The following SHANK2 variants were observed in gnomAD, a reference collection of about 807,000 sequenced individuals.
SHANK2 encodes SH3 and multiple ankyrin repeat domains 2.
A neutral mutation model predicts 133.7 loss-of-function variants in SHANK2; 43 were observed. The observed-to-expected ratio is 0.32, with a 90% CI of 0.25 to 0.41. SHANK2 has a LOEUF of 0.41. SHANK2 is among the 10% of genes least tolerant of loss of function. The pLI is 1.00. For synonymous variants in SHANK2, 1,017 were observed against 952.8 expected (o/e 1.07, Z -1.24); for missense variants, 1,994 against 2,235.8 (o/e 0.89, Z 2.18).
At chr11:70,680,169 C>T (rs1156714944) in intron 15 of SHANK2, among the ~76,000 whole-genome samples, 1 of 152,216 alleles carries the variant, frequency 6.6e-6, no homozygotes, top group African/African-American at 2.4e-5. Flanking sequence ...GAGTTACACA[C>T]TCACAGCTAA....
intron 10 of SHANK2, chr11:70,908,142 A>G (rs547209802): frequency 3.7e-6 from 1 of 267,176 alleles, no homozygotes; most frequent in Non-Finnish European, 7.5e-6. Context: ...AGAAAAGTGA[A>G]CTTTGCCTGC....
intron 2 of SHANK2, among the ~76,000 whole-genome samples, chr11:71,191,329 G>A (rs1404506669): frequency 6.6e-6 from 1 of 151,942 alleles, no homozygotes; most frequent in Admixed American, 6.6e-5. Context: ...CTGGGCTACC[G>A]TACAAAGCCC....
chr11:71,079,310 A>C (rs902699016), intron 8 of SHANK2, among the ~76,000 whole-genome samples: 1 of 152,248 alleles, frequency 6.6e-6, no homozygotes, highest in African/African-American at 2.4e-5. Context: ...GGCTCCAGGC[A>C]GGTCCCAGGC....
chr11:70,600,009 T>C (rs891049175), intron 17 of SHANK2, among the ~76,000 whole-genome samples: 7 of 151,334 alleles, frequency 4.6e-5, no homozygotes, highest in Non-Finnish European at 8.8e-5. Context: ...GACAACATTG[T>C]GAAGGGGTTA....
At chr11:71,231,277 T>C (rs782697987) in intron 1 of SHANK2, among the ~76,000 whole-genome samples, 2 of 152,174 alleles carry the variant, frequency 1.3e-5, no homozygotes, top group Non-Finnish European at 2.9e-5. Context: ...AAGACATTTT[T>C]CAAGAGGATA....
At chr11:70,515,407 C>T (rs1275005283) in intron 17 of SHANK2, among the ~76,000 whole-genome samples, 4 of 151,968 alleles carry the variant, frequency 2.6e-5, no homozygotes, top group East Asian at 3.9e-4. Context: ...CACAGTAGAC[C>T]GTCTGGACTG....
At chr11:70,921,489 C>G (rs1337760341) in intron 10 of SHANK2, among the ~76,000 whole-genome samples, 3 of 152,176 alleles carry the variant, frequency 2.0e-5, no homozygotes, top group Non-Finnish European at 4.4e-5. Context: ...GTTGTCTGGG[C>G]TAGAGGAAGG....
At chr11:70,817,483 A>T (rs1555054652) in intron 12 of SHANK2, among the ~76,000 whole-genome samples, 1 of 152,194 alleles carries the variant, frequency 6.6e-6, no homozygotes, top group Admixed American at 6.5e-5. Flanking sequence ...AGTGGCCCAC[A>T]GTTAGGGGGA....
chr11:70,876,787 G>T (rs1317144928), intron 11 of SHANK2, among the ~76,000 whole-genome samples: 1 of 152,102 alleles, frequency 6.6e-6, no homozygotes, highest in African/African-American at 2.4e-5. Flanking sequence ...GTCGAGTCTC[G>T]TGAAATGCTC....
At chr11:70,948,254 A>C (rs1950780565) in intron 10 of SHANK2, 1 of 456,740 alleles carries the variant, frequency 2.2e-6, no homozygotes. Flanking sequence ...CCTGTCATTT[A>C]CCAACCCCGA....
intron 11 of SHANK2, among the ~76,000 whole-genome samples, chr11:70,822,056 G>A (rs189110738): frequency 7.9e-5 from 12 of 152,326 alleles, no homozygotes; most frequent in East Asian, 1.9e-4. Context: ...CTAAGACAGC[G>A]AGTGCCCTTT....
At chr11:70,502,747 C>CCCCCCCCCACACG in intron 18 of SHANK2, 49 bp downstream of exon 18, 1 of 907,662 alleles carries the variant, frequency 1.1e-6, no homozygotes, top group South Asian at 1.6e-5. Context: ...CCCCACCCCC[C>CCCCCCCCCACACG]CCCCCCAGTA....
At chr11:70,867,029 T>C (rs1555069187) in intron 11 of SHANK2, among the ~76,000 whole-genome samples, 2 of 149,804 alleles carry the variant, frequency 1.3e-5, no homozygotes, top group African/African-American at 4.9e-5. Flanking sequence ...GCCAAACGAA[T>C]GATATGCCGT....
chr11:71,063,896 C>T (rs998820197), intron 9 of SHANK2, among the ~76,000 whole-genome samples: 10 of 152,210 alleles, frequency 6.6e-5, no homozygotes, highest in African/African-American at 2.2e-4. Context: ...GCACTGTGCC[C>T]GCTGAGAACA....
At chr11:71,207,338 C>T (rs965624359) in intron 2 of SHANK2, among the ~76,000 whole-genome samples, 1 of 152,126 alleles carries the variant, frequency 6.6e-6, no homozygotes, top group Non-Finnish European at 1.5e-5. Flanking sequence ...CGCTACCACA[C>T]CCAGCTAATT....
intron 17 of SHANK2, among the ~76,000 whole-genome samples, chr11:70,594,884 G>T (rs1021246743): frequency 6.6e-6 from 1 of 152,072 alleles, no homozygotes; most frequent in East Asian, 1.9e-4. Flanking sequence ...ATGCCCCTCT[G>T]CATGCACCTT....
chr11:71,156,591 C>A (rs1373962409), intron 2 of SHANK2, among the ~76,000 whole-genome samples: 1 of 152,180 alleles, frequency 6.6e-6, no homozygotes, highest in East Asian at 1.9e-4. Context: ...CATCTAATTC[C>A]TTCCTAAGCT....
chr11:70,612,987 A>G (rs1478274507), intron 17 of SHANK2, among the ~76,000 whole-genome samples: 1 of 152,068 alleles, frequency 6.6e-6, no homozygotes, highest in East Asian at 1.9e-4. Flanking sequence ...TTTCTTGTTC[A>G]CAGGCACTTG....
chr11:70,744,295 G>T (rs1351851865), intron 14 of SHANK2, among the ~76,000 whole-genome samples: 1 of 152,204 alleles, frequency 6.6e-6, no homozygotes, highest in Non-Finnish European at 1.5e-5. Flanking sequence ...TCCCAGGGAG[G>T]TCTTTCCATG....
Sources: gnomAD v4.1 joint callset for allele counts (sites outside exome capture counted in the v4.1 genomes callset) on GRCh38, gnomAD v4.1.1 for gene constraint, MANE v1.5 for transcripts, NCBI Gene and HGNC (gene_info 2026-07-23, HGNC 2026-07-21) for gene names.